The following CNTNAP5 variants were observed in gnomAD, a reference collection of about 807,000 sequenced individuals.
CNTNAP5 encodes the protein contactin-associated protein-like 5.
In CNTNAP5, 72 loss-of-function variants were observed where a neutral mutation model predicts 150.2. The ratio of observed to expected loss-of-function variants is 0.48; its 90% CI spans 0.40 to 0.58. CNTNAP5 has a LOEUF of 0.58. CNTNAP5 is among the 20% of genes least tolerant of loss of function. CNTNAP5 has a pLI of 0.00. For synonymous variants in CNTNAP5, 672 were observed against 619.8 expected (o/e 1.08, Z -1.25); for missense variants, 1,636 against 1,626.2 (o/e 1.01, Z -0.10).
intron 1 of CNTNAP5, among the ~76,000 whole-genome samples, chr2:124,133,918 C>T (rs1480140766): frequency 1.3e-5 from 2 of 152,206 alleles, no homozygotes; most frequent in Admixed American, 1.3e-4. Flanking sequence ...AACAAAACAA[C>T]ACCTGCATCT....
intron 1 of CNTNAP5, among the ~76,000 whole-genome samples, chr2:124,156,124 C>A (rs1438852940): frequency 3.3e-5 from 5 of 152,206 alleles, no homozygotes; most frequent in Non-Finnish European, 7.3e-5. Context: ...GACAGGTAAT[C>A]TTGATTTCGT....
chr2:124,171,749 C>A (rs566332183), intron 1 of CNTNAP5, among the ~76,000 whole-genome samples: 4 of 152,146 alleles, frequency 2.6e-5, no homozygotes, highest in Non-Finnish European at 5.9e-5. Context: ...TACAGACACA[C>A]AGCTCTCTGA....
intron 13 of CNTNAP5, among the ~76,000 whole-genome samples, chr2:124,667,645 A>T (rs1050198029): frequency 5.3e-5 from 8 of 152,214 alleles, no homozygotes; most frequent in African/African-American, 1.7e-4. Context: ...AATTAAGAGG[A>T]TGGAGCAATT....
chr2:124,897,107 C>A (rs1243212136), intron 21 of CNTNAP5, among the ~76,000 whole-genome samples: 1 of 151,464 alleles, frequency 6.6e-6, no homozygotes, highest in Non-Finnish European at 1.5e-5. Context: ...CCATCTATAT[C>A]ATAATTACCT....
intron 1 of CNTNAP5, among the ~76,000 whole-genome samples, chr2:124,149,909 G>C (rs1684363551): frequency 6.6e-6 from 1 of 152,190 alleles, no homozygotes; most frequent in Non-Finnish European, 1.5e-5. Flanking sequence ...TCCTGATGGA[G>C]ATGAGGAGAT....
At position 124,798,330 on chromosome 2, in the gene CNTNAP5, A is replaced by T; in HGVS notation, c.3217+10A>T. 1 of 1,585,078 alleles carries T rather than the reference A, an allele frequency of 6.3e-7. No individual in the cohort carries two copies. Among genetic ancestry groups the T allele is most frequent in the South Asian group, 1.1e-5 (1 of 90,452 alleles). Reference sequence around the variant, plus strand: ...CTGCTCTGCAAGAATGGTGAGTGTGATGGCATGATACCCAGCGGAGTCTCA... The same window carrying T: ...CTGCTCTGCAAGAATGGTGAGTGTGTTGGCATGATACCCAGCGGAGTCTCA... On this transcript the variant is annotated intron_variant, in intron 19 of 23. Transcript: ENST00000682447.
rs763222433 is a variant in CNTNAP5, at chr2:124,563,276, A to C, written c.1709A>C (p.Tyr570Ser). The C allele has an allele frequency of 8.2e-5, 130 of 1,585,442 alleles. No homozygotes were observed. The highest frequency in any genetic ancestry group is 1.1e-4 in the Non-Finnish European group (128 of 1,165,006). The change falls in exon 11 of 24, where the codon TAT becomes TCT. Residue 570 changes from tyrosine to serine, a missense_variant. By Grantham distance (144) the Tyr-to-Ser change is moderately radical (BLOSUM62 -2). Coordinates refer to ENST00000682447, the MANE Select transcript of CNTNAP5 (RefSeq NM_001367498.1). ...GSCSQSWTTF[Y>S]CNCSDTSYTG... ...TGCTCCCAGTCCTGGACTACCTTCT[A>C]TTGTAACTGCAGTGACACAAGTTAC...
chr2:124,872,405 T>C (rs987728386), intron 21 of CNTNAP5, among the ~76,000 whole-genome samples: 101 of 149,778 alleles, frequency 6.7e-4, no homozygotes, highest in African/African-American at 2.5e-3. Context: ...TGTGTGTGTG[T>C]GTGTGTGTGT....
chr2:124,831,191 T>G (rs1573646409), intron 19 of CNTNAP5, among the ~76,000 whole-genome samples: 1 of 152,152 alleles, frequency 6.6e-6, no homozygotes, highest in East Asian at 1.9e-4. Flanking sequence ...TTCACAACTA[T>G]ATCATGACTT....
At chr2:124,496,611 A>G (rs1191492393) in intron 7 of CNTNAP5, among the ~76,000 whole-genome samples, 1 of 152,212 alleles carries the variant, frequency 6.6e-6, no homozygotes, top group Non-Finnish European at 1.5e-5. Context: ...AGCGTCACAC[A>G]TAAGAAACTT....
At chr2:124,778,859 G>T (rs74593314) in intron 17 of CNTNAP5, among the ~76,000 whole-genome samples, 27 of 151,322 alleles carry the variant, frequency 1.8e-4, no homozygotes, top group African/African-American at 5.6e-4. Flanking sequence ...AAAAAAAAAA[G>T]AGTTTCTTCT....
chr2:124,680,914 CAT>C (rs1163549735), intron 13 of CNTNAP5: 1 of 151,630 alleles, frequency 6.6e-6, no homozygotes, highest in Non-Finnish European at 1.5e-5. Flanking sequence ...TGGAAGAATA[CAT>C]GTTTGTAACT....
Position 124,914,458 on chromosome 2 carries a change from A to C in CNTNAP5, c.*170A>C, listed in dbSNP as rs1573709515. ...CAATTCCCTTGATCCAGCCCAAGAG[A>C]CCAGGCAGCCATGGCCACTGCCTTC... On this transcript the variant is annotated 3_prime_UTR_variant, in exon 24 of 24. Coordinates refer to ENST00000682447, the MANE Select transcript of CNTNAP5 (RefSeq NM_001367498.1). 11 of 608,964 alleles carry C rather than the reference A, an allele frequency of 1.8e-5. No homozygotes were observed. Among genetic ancestry groups the C allele is most frequent in the Non-Finnish European group, 3.2e-5 (11 of 341,914 alleles). 37.7% of individuals were successfully genotyped at this position (608,964 alleles called of 1,614,324 possible).
intron 3 of CNTNAP5, among the ~76,000 whole-genome samples, chr2:124,254,410 C>A (rs936900823): frequency 3.9e-5 from 6 of 152,180 alleles, no homozygotes; most frequent in African/African-American, 1.4e-4. Flanking sequence ...GGGGCAGTCT[C>A]CCTTTCGTGG....
intron 13 of CNTNAP5, among the ~76,000 whole-genome samples, chr2:124,733,784 G>C (rs1311458063): frequency 6.6e-6 from 1 of 152,194 alleles, no homozygotes; most frequent in East Asian, 1.9e-4. Context: ...CATGTGTGCA[G>C]AGTAGATTGC....
intron 21 of CNTNAP5, among the ~76,000 whole-genome samples, chr2:124,885,784 G>C (rs1678068584): frequency 6.6e-6 from 1 of 152,012 alleles, no homozygotes; most frequent in Admixed American, 6.6e-5. Flanking sequence ...ATTGCAGCAT[G>C]TAACAGTACT....
intron 19 of CNTNAP5, among the ~76,000 whole-genome samples, chr2:124,822,773 A>G (rs1005106586): frequency 1.3e-5 from 2 of 152,322 alleles, no homozygotes; most frequent in East Asian, 1.9e-4. Context: ...TTGCATGGAA[A>G]ACTTTCATGG....
At chr2:124,330,485 T>C (rs1444859825) in intron 3 of CNTNAP5, among the ~76,000 whole-genome samples, 2 of 152,124 alleles carry the variant, frequency 1.3e-5, no homozygotes, top group African/African-American at 4.8e-5. Flanking sequence ...GGTTTCCCCA[T>C]GCTGTTCTTG....
At chr2:124,142,087 T>C in intron 1 of CNTNAP5, among the ~76,000 whole-genome samples, 1 of 147,780 alleles carries the variant, frequency 6.8e-6, no homozygotes, top group Non-Finnish European at 1.5e-5. Flanking sequence ...CAAGAGGCGC[T>C]AACTATCCTA....
Sources: gnomAD v4.1 joint callset for allele counts (sites outside exome capture counted in the v4.1 genomes callset) on GRCh38, gnomAD v4.1.1 for gene constraint, MANE v1.5 for transcripts, NCBI Gene and HGNC (gene_info 2026-07-23, HGNC 2026-07-21) for gene names.